Variants in CSGALNACT1 observed in about 807,000 individuals in gnomAD.
CSGALNACT1 encodes the protein chondroitin sulfate N-acetylgalactosaminyltransferase 1, also known as beta4GalNAcT-1.
Under a neutral mutation model 51.0 loss-of-function variants are expected in CSGALNACT1, and 52 were observed. That is an observed-to-expected ratio of 1.02 (90% confidence interval 0.82 to 1.29). The LOEUF (loss-of-function observed/expected upper bound fraction) is 1.29, where lower values mean the gene tolerates loss of function less well. Among genes scored for constraint, CSGALNACT1 ranks in the 50% most tolerant of loss-of-function variants. The pLI, the probability that CSGALNACT1 is intolerant of heterozygous loss-of-function variation, is 0.00. For synonymous variants in CSGALNACT1, 341 were observed against 254.4 expected (o/e 1.34, Z -3.24); for missense variants, 935 against 679.2 (o/e 1.38, Z -4.19).
chr8:19,416,094 T>C (rs2056814055), intron 8 of CSGALNACT1, among the ~76,000 whole-genome samples: 1 of 149,436 alleles, frequency 6.7e-6, no homozygotes, highest in African/African-American at 2.4e-5. Context: ...TAACTTATTA[T>C]TAAAGAAATG....
chr8:19,669,362 A>G (rs546520505), intron 1 of CSGALNACT1, among the ~76,000 whole-genome samples: 1 of 152,356 alleles, frequency 6.6e-6, no homozygotes, highest in African/African-American at 2.4e-5. Context: ...GGAGGACACT[A>G]TCATAAAAAC....
intron 3 of CSGALNACT1, among the ~76,000 whole-genome samples, chr8:19,529,260 T>G (rs4922055): frequency 0.75 from 114,488 of 152,026 alleles, 44,165 homozygotes; most frequent in East Asian, 0.86. Flanking sequence ...ATGCAGAAAT[T>G]TTTCCAGAAG....
At chr8:19,617,276 C>T (rs1459754448) in intron 1 of CSGALNACT1, among the ~76,000 whole-genome samples, 1 of 152,142 alleles carries the variant, frequency 6.6e-6, no homozygotes, top group African/African-American at 2.4e-5. Context: ...AATGAAGTTT[C>T]GCTCACTCGC....
intron 3 of CSGALNACT1, among the ~76,000 whole-genome samples, chr8:19,549,027 T>G (rs1264516607): frequency 6.6e-6 from 1 of 152,012 alleles, no homozygotes; most frequent in Non-Finnish European, 1.5e-5. Context: ...ATGTTGCCCA[T>G]GTTGGTCTCC....
chr8:19,677,265 C>A (rs1021935453), intron 1 of CSGALNACT1, among the ~76,000 whole-genome samples: 1 of 152,162 alleles, frequency 6.6e-6, no homozygotes, highest in Non-Finnish European at 1.5e-5. Flanking sequence ...TGCACCACCA[C>A]GCCTAGCTAA....
rs373458723 is a variant in CSGALNACT1 at position 19,458,414 on chromosome 8, G to A, written c.851+12C>T. On this transcript the variant is annotated intron_variant, in intron 5 of 9. Transcript: ENST00000454498. ...CATGCGGAGGAAGATAAACACGTGCGAACAAACCAACCTGAAATTCTGCAT... is the reference window on the plus strand; with the variant it reads ...CATGCGGAGGAAGATAAACACGTGCAAACAAACCAACCTGAAATTCTGCAT... 4.8e-5 allele frequency: 78 copies of A among 1,610,360 alleles called. 1 individual carries two copies. In the Middle Eastern group the frequency reaches 8.2e-4, roughly 17 times the overall value.
intron 3 of CSGALNACT1, among the ~76,000 whole-genome samples, chr8:19,543,029 C>G (rs1411588039): frequency 1.3e-5 from 2 of 152,094 alleles, no homozygotes; most frequent in African/African-American, 2.4e-5. Context: ...TGTATGAAAC[C>G]TAAGTCATAA....
intron 5 of CSGALNACT1, among the ~76,000 whole-genome samples, chr8:19,449,338 T>C (rs995202020): frequency 1.3e-5 from 2 of 152,134 alleles, no homozygotes; most frequent in African/African-American, 4.8e-5. Flanking sequence ...TTGTACAAAG[T>C]GAAATGGCCT....
intron 1 of CSGALNACT1, among the ~76,000 whole-genome samples, chr8:19,712,250 C>T (rs898214172): frequency 6.6e-6 from 1 of 152,046 alleles, no homozygotes; most frequent in African/African-American, 2.4e-5. Context: ...TGGTCTCGAT[C>T]TCCTGACCTC....
chr8:19,674,492 C>A (rs762216115), intron 1 of CSGALNACT1, among the ~76,000 whole-genome samples: 3 of 151,958 alleles, frequency 2.0e-5, no homozygotes, highest in African/African-American at 7.3e-5. Context: ...AAGGTGAAGG[C>A]GACTGCAGAA....
At chr8:19,594,463 C>T (rs548504787) in intron 2 of CSGALNACT1, among the ~76,000 whole-genome samples, 2 of 152,172 alleles carry the variant, frequency 1.3e-5, no homozygotes, top group South Asian at 2.1e-4. Context: ...ACACAAGGAC[C>T]TCAAAGGAAG....
intron 3 of CSGALNACT1, among the ~76,000 whole-genome samples, chr8:19,525,924 T>C (rs1445385514): frequency 6.6e-6 from 1 of 152,134 alleles, no homozygotes; most frequent in Non-Finnish European, 1.5e-5. Flanking sequence ...TATATAACCG[T>C]AGTGCAATAT....
intron 1 of CSGALNACT1, among the ~76,000 whole-genome samples, chr8:19,688,014 G>A (rs1269591818): frequency 6.6e-6 from 1 of 152,142 alleles, no homozygotes; most frequent in Non-Finnish European, 1.5e-5. Context: ...TTACCGTTTA[G>A]AATCTACTTT....
intron 4 of CSGALNACT1, among the ~76,000 whole-genome samples, chr8:19,502,495 T>G (rs1005457435): frequency 2.6e-5 from 4 of 152,216 alleles, no homozygotes; most frequent in Admixed American, 2.6e-4. Context: ...TTTCTTGTTA[T>G]TTTTTAAATA....
intron 1 of CSGALNACT1, among the ~76,000 whole-genome samples, chr8:19,666,760 G>GAAAGAAAGAAAGA (rs1554794191): frequency 1.8e-5 from 1 of 56,632 alleles, no homozygotes; most frequent in Non-Finnish European, 3.2e-5. Context: ...AAGAAAGAAA[G>GAAAGAAAGAAAGA]AAGAAAGAAA....
intron 1 of CSGALNACT1, among the ~76,000 whole-genome samples, chr8:19,740,546 G>T (rs1482117962): frequency 6.6e-6 from 1 of 152,182 alleles, no homozygotes; most frequent in South Asian, 2.1e-4. Flanking sequence ...TGAGCCTGGT[G>T]TTTGGATATT....
intron 5 of CSGALNACT1, among the ~76,000 whole-genome samples, chr8:19,452,066 AC>A (rs1156289324): frequency 6.6e-6 from 1 of 152,266 alleles, no homozygotes; most frequent in East Asian, 1.9e-4. Flanking sequence ...CAATTTTGCC[AC>A]CAATAAATGA....
At position 19,469,030 on chromosome 8, in the gene CSGALNACT1, C is replaced by A. The variant is rs375181596; in HGVS notation, c.635-10388G>T. Among the ~76,000 whole-genome samples the A allele has an allele frequency of 5.9e-5, 9 of 152,210 alleles. No homozygotes were observed. In the East Asian group the frequency reaches 9.7e-4, roughly 16 times the overall value. ...AAGACAGCAGCATCAAGGAACCCAA[C>A]AGATAAGTGAGGGCCTGCTCAACAG... On this transcript the variant is annotated intron_variant, in intron 4 of 9. Coordinates refer to ENST00000454498, the Ensembl canonical transcript of CSGALNACT1.
intron 5 of CSGALNACT1, among the ~76,000 whole-genome samples, chr8:19,444,603 C>G (rs949105954): frequency 1.3e-5 from 2 of 152,210 alleles, no homozygotes; most frequent in Non-Finnish European, 2.9e-5. Context: ...TAATCCACAT[C>G]ATAATTTCTA....
Sources: gnomAD v4.1 joint callset for allele counts (sites outside exome capture counted in the v4.1 genomes callset) on GRCh38, gnomAD v4.1.1 for gene constraint, MANE v1.5 for transcripts, NCBI Gene and HGNC (gene_info 2026-07-23, HGNC 2026-07-21) for gene names.